Variants in CSMD1 observed in about 807,000 individuals in gnomAD.
CSMD1 encodes the protein CUB and sushi domain-containing protein 1.
CSMD1 carries 213 observed loss-of-function variants against 417.5 expected under a neutral mutation model. That is an observed-to-expected ratio of 0.51 (90% CI 0.46 to 0.57). CSMD1 has a LOEUF of 0.57. CSMD1 is among the 20% of genes least tolerant of loss of function. CSMD1 has a pLI of 0.00. For missense variants in CSMD1, 6,923 were observed against 4,529.7 expected (o/e 1.53, Z -15.17); for synonymous variants, 2,862 against 1,736.8 (o/e 1.65, Z -16.11).
intron 26 of CSMD1, among the ~76,000 whole-genome samples, chr8:3,282,386 GA>G (rs1281955325): frequency 3.9e-5 from 6 of 151,974 alleles, no homozygotes; most frequent in South Asian, 2.1e-4. Flanking sequence ...AAAACCTGTT[GA>G]AAAAAATGCC....
intron 10 of CSMD1, among the ~76,000 whole-genome samples, chr8:3,522,940 G>A (rs896630036): frequency 3.4e-5 from 5 of 147,154 alleles, no homozygotes; most frequent in Non-Finnish European, 3.0e-5. Flanking sequence ...TTTATATATT[G>A]ACAAATATTT....
intron 5 of CSMD1, among the ~76,000 whole-genome samples, chr8:3,861,205 T>C (rs1425126648): frequency 2.6e-5 from 4 of 152,166 alleles, no homozygotes; most frequent in African/African-American, 7.2e-5. Flanking sequence ...CGAGGTTCAG[T>C]TGTCTAATGT....
rs370529448 is a variant in CSMD1 at position 2,974,539 on chromosome 8, G to A, written c.8652C>T (p.Ser2884=). The A allele has an allele frequency of 3.7e-6, 6 of 1,613,430 alleles. No individual in the cohort carries two copies. In the Admixed American group the frequency reaches 5.0e-5, roughly 13 times the overall value. Reference sequence around the variant, plus strand: ...CTATGAGGCTCTCGCTCCCTCTGCAGGAGTAGTGCACGACGGCGCCATAGG... The same window carrying A: ...CTATGAGGCTCTCGCTCCCTCTGCAAGAGTAGTGCACGACGGCGCCATAGG... ...LFTYGAVVHY[S]CRGSESLIGN... is the part of the protein sequence containing the mutation. Residue 2884 remains serine, a synonymous_variant, in exon 56 of 70, where the codon TCC becomes TCT. Transcript: ENST00000635120.
At chr8:3,089,481 T>C (rs573982398) in intron 48 of CSMD1, among the ~76,000 whole-genome samples, 1 of 152,372 alleles carries the variant, frequency 6.6e-6, no homozygotes, top group East Asian at 1.9e-4. Context: ...TTCATTATAT[T>C]GCTTTTATGC....
intron 27 of CSMD1, among the ~76,000 whole-genome samples, chr8:3,226,950 C>T (rs536242267): frequency 1.2e-3 from 183 of 152,026 alleles, no homozygotes; most frequent in African/African-American, 3.9e-3. Flanking sequence ...AAAAAAAGTT[C>T]GACCTTATTA....
chr8:3,798,041 A>G (rs1563091448), intron 5 of CSMD1, among the ~76,000 whole-genome samples: 2 of 151,954 alleles, frequency 1.3e-5, no homozygotes, highest in Non-Finnish European at 2.9e-5. Flanking sequence ...TTTTTTGACC[A>G]TTTTTATTTC....
chr8:3,813,568 C>G (rs11989694), intron 5 of CSMD1, among the ~76,000 whole-genome samples: 1,877 of 152,222 alleles, frequency 0.012, 41 homozygotes, highest in African/African-American at 0.042. Flanking sequence ...GTCTATAACA[C>G]AATTTAACAA....
chr8:4,600,849 C>G (rs770712527), intron 2 of CSMD1, among the ~76,000 whole-genome samples: 7 of 152,004 alleles, frequency 4.6e-5, no homozygotes, highest in Admixed American at 2.6e-4. Context: ...GATATTCTGA[C>G]TTTAAAAGGT....
chr8:3,725,314 G>A (rs1237728568), intron 6 of CSMD1, among the ~76,000 whole-genome samples: 1 of 152,194 alleles, frequency 6.6e-6, no homozygotes, highest in Non-Finnish European at 1.5e-5. Flanking sequence ...TGCTATTTCA[G>A]TCATAGGGCA....
intron 5 of CSMD1, among the ~76,000 whole-genome samples, chr8:3,983,412 G>C (rs1435916811): frequency 1.3e-5 from 2 of 151,948 alleles, no homozygotes; most frequent in African/African-American, 4.8e-5. Context: ...TTACAGGCGT[G>C]AGCCACCGCG....
intron 3 of CSMD1, among the ~76,000 whole-genome samples, chr8:4,277,224 G>C (rs140385733): frequency 1.4e-5 from 2 of 144,688 alleles, no homozygotes; most frequent in African/African-American, 2.5e-5. Flanking sequence ...TATACACACA[G>C]ACACATACAT....
chr8:3,139,688 A>G (rs1194579149), intron 41 of CSMD1, among the ~76,000 whole-genome samples: 2 of 152,078 alleles, frequency 1.3e-5, no homozygotes, highest in East Asian at 3.9e-4. Flanking sequence ...TAAAATTATA[A>G]ATAGATATGT....
intron 5 of CSMD1, among the ~76,000 whole-genome samples, chr8:3,976,841 G>C (rs1019359439): frequency 9.9e-5 from 15 of 152,264 alleles, no homozygotes; most frequent in African/African-American, 2.9e-4. Context: ...CCACTGCACT[G>C]ACCTCAACCA....
chr8:3,261,538 C>A (rs776924172), intron 26 of CSMD1, among the ~76,000 whole-genome samples: 1 of 152,062 alleles, frequency 6.6e-6, no homozygotes, highest in African/African-American at 2.4e-5. Context: ...GAAAAGAAAA[C>A]CTGCGCGTGA....
intron 7 of CSMD1, among the ~76,000 whole-genome samples, chr8:3,666,379 C>A (rs939064901): frequency 6.6e-6 from 1 of 152,120 alleles, no homozygotes; most frequent in African/African-American, 2.4e-5. Flanking sequence ...CAGTAGAGTT[C>A]AAGTAATTGA....
chr8:3,559,863 G>A (rs1463671508), intron 10 of CSMD1, among the ~76,000 whole-genome samples: 1 of 152,156 alleles, frequency 6.6e-6, no homozygotes, highest in African/African-American at 2.4e-5. Context: ...GGCCCCTAGA[G>A]TGGACACAGT....
At chr8:4,923,772 T>C (rs1160950483) in intron 1 of CSMD1, among the ~76,000 whole-genome samples, 1 of 152,090 alleles carries the variant, frequency 6.6e-6, no homozygotes, top group Admixed American at 6.6e-5. Flanking sequence ...ATTATATATC[T>C]CCAAGATTCA....
At chr8:4,984,039 G>C (rs1017872412) in intron 1 of CSMD1, among the ~76,000 whole-genome samples, 3 of 152,180 alleles carry the variant, frequency 2.0e-5, no homozygotes, top group African/African-American at 7.2e-5. Flanking sequence ...GACTTTGAAA[G>C]TCAGTTTGGG....
intron 5 of CSMD1, among the ~76,000 whole-genome samples, chr8:3,975,843 TA>T (rs1347184428): frequency 3.3e-5 from 5 of 152,230 alleles, no homozygotes; most frequent in African/African-American, 1.2e-4. Context: ...ATAAAATTTT[TA>T]GTTATTGTTG....
Sources: allele counts gnomAD v4.1 joint callset (sites outside exome capture counted in the v4.1 genomes callset), GRCh38; gene constraint gnomAD v4.1.1; transcripts MANE v1.5; gene names NCBI Gene and HGNC (gene_info 2026-07-23, HGNC 2026-07-21).